The following PCDHGB7 variants were observed in gnomAD, a reference collection of about 807,000 sequenced individuals.
The protein encoded by PCDHGB7 is protocadherin gamma subfamily B, 7.
PCDHGB7 carries 37 observed loss-of-function variants against 61.4 expected under a neutral mutation model. That is an observed-to-expected ratio of 0.60 (90% CI 0.46 to 0.79). The LOEUF is 0.79. Among genes scored for constraint, PCDHGB7 ranks in the 30% least tolerant of loss-of-function variants. PCDHGB7 has a pLI of 0.00. For missense variants in PCDHGB7, 1,166 were observed against 1,202.5 expected, an observed-to-expected ratio of 0.97 and a Z score of 0.45; for synonymous variants, 464 against 503.5, an observed-to-expected ratio of 0.92 and a Z score of 1.05.
At position 141,491,605 on chromosome 5, in the gene PCDHGB7, T is replaced by C; in HGVS notation, c.2416-3202T>C. On this transcript the variant is annotated intron_variant, in intron 1 of 3. Coordinates refer to ENST00000398594, the MANE Select transcript of PCDHGB7 (RefSeq NM_018927.4). This position sits in a 1 kb window ranked among gnomAD's most constrained non-coding sequence, Gnocchi z 6.9. Reference sequence around the variant, plus strand: ...GGCCTCGGACGGCAGTGACTTCACTTTTCTAAGACCCCTCAGCGTTCAGCA... The same window carrying C: ...GGCCTCGGACGGCAGTGACTTCACTCTTCTAAGACCCCTCAGCGTTCAGCA... 6.2e-7 allele frequency: 1 copy of C among 1,613,868 alleles called. No individual in the cohort carries two copies. Among genetic ancestry groups the C allele is most frequent in the East Asian group, 2.2e-5 (1 of 44,858 alleles).
intron 1 of PCDHGB7, 134 bp from the exon 2 acceptor site, chr5:141,494,673 C>G: frequency 4.5e-6 from 7 of 1,542,992 alleles, no homozygotes; most frequent in Non-Finnish European, 6.1e-6. Flanking sequence ...GATGAGTCCA[C>G]CCCTGCCCCC....
intron 1 of PCDHGB7, among the ~76,000 whole-genome samples, chr5:141,437,093 C>T (rs1382920904): frequency 2.6e-5 from 4 of 152,136 alleles, no homozygotes; most frequent in East Asian, 1.9e-4. Flanking sequence ...TTGAAACTAA[C>T]GGCTTAGCTT....
chr5:141,429,416 T>C (rs527999196), intron 1 of PCDHGB7, among the ~76,000 whole-genome samples: 1 of 152,230 alleles, frequency 6.6e-6, no homozygotes, highest in Admixed American at 6.5e-5. Flanking sequence ...GGTCTCATTA[T>C]GTTGCCCAGG....
intron 1 of PCDHGB7, among the ~76,000 whole-genome samples, chr5:141,443,726 TAC>T: frequency 6.6e-6 from 1 of 152,262 alleles, no homozygotes; most frequent in Admixed American, 6.5e-5. Flanking sequence ...AAATTCCTCA[TAC>T]ATTTCCCTAT....
chr5:141,446,639 G>T (rs1461520959), intron 1 of PCDHGB7, among the ~76,000 whole-genome samples: 7 of 152,116 alleles, frequency 4.6e-5, no homozygotes, highest in Non-Finnish European at 8.8e-5. Flanking sequence ...ACCACGCCTG[G>T]CTAATTTTTG....
At chr5:141,510,296 G>A (rs999749575) in intron 3 of PCDHGB7, among the ~76,000 whole-genome samples, 6 of 149,608 alleles carry the variant, frequency 4.0e-5, no homozygotes, top group African/African-American at 1.5e-4. Flanking sequence ...AAAAAATGCT[G>A]TTTTGAAATG....
rs772255343 is a variant in PCDHGB7, at chr5:141,432,272, G to C, written c.2415+11998G>C. On this transcript the variant is annotated intron_variant, in intron 1 of 3. Coordinates refer to ENST00000398594, the MANE Select transcript of PCDHGB7 (RefSeq NM_018927.4). This position sits in a 1 kb window ranked among gnomAD's most constrained non-coding sequence, Gnocchi z 6.0. ...CCAAGGGGCAAGCCTATCGTCCTAC[G>C]TGTCCATCAACTCCGACACTGGGGT... The C allele has an allele frequency of 3.1e-6, 5 of 1,614,210 alleles. No individual in the cohort carries two copies. Among genetic ancestry groups the C allele is most frequent in the Non-Finnish European group, 4.2e-6 (5 of 1,180,042 alleles).
intron 1 of PCDHGB7, chr5:141,478,169 G>A (rs2099436111): frequency 1.2e-6 from 2 of 1,613,716 alleles, no homozygotes; most frequent in Admixed American, 1.7e-5. Flanking sequence ...TGCCCCCCGG[G>A]AGCAGAAAAA....
At chr5:141,499,648 CAT>C (rs1434824310) in intron 2 of PCDHGB7, among the ~76,000 whole-genome samples, 2 of 148,784 alleles carry the variant, frequency 1.3e-5, no homozygotes, top group Admixed American at 6.7e-5. Flanking sequence ...TCTCAGACAT[CAT>C]ATAATTTCAT....
intron 2 of PCDHGB7, among the ~76,000 whole-genome samples, chr5:141,500,184 T>TTTTTTTTA (rs1554186429): frequency 7.8e-4 from 106 of 135,966 alleles, no homozygotes; most frequent in African/African-American, 2.4e-3. Context: ...TCATTTTTAT[T>TTTTTTTTA]TTTATTTATT....
chr5:141,434,852 A>G (rs1382212982), intron 1 of PCDHGB7, among the ~76,000 whole-genome samples: 2 of 151,990 alleles, frequency 1.3e-5, no homozygotes, highest in Non-Finnish European at 2.9e-5. Context: ...AGACATCAAT[A>G]AATTTATATA....
chr5:141,423,325 G>A lies in PCDHGB7; in HGVS notation c.2415+3051G>A, dbSNP rs201044967. ...GCTGTACTTGGTGGTGGCGGTGGCCGCAGTCTCCTGCATCTTCCTGGTCTT... is the reference window on the plus strand; with the variant it reads ...GCTGTACTTGGTGGTGGCGGTGGCCACAGTCTCCTGCATCTTCCTGGTCTT... On this transcript the variant is annotated intron_variant, in intron 1 of 3. Coordinates refer to ENST00000398594, the MANE Select transcript of PCDHGB7 (RefSeq NM_018927.4). 133 of 1,614,016 alleles carry A rather than the reference G, an allele frequency of 8.2e-5. No individual in the cohort carries two copies. Among genetic ancestry groups the A allele is most frequent in the Non-Finnish European group, 4.1e-5 (48 of 1,180,008 alleles).
chr5:141,430,910 G>C, intron 1 of PCDHGB7: 2 of 1,608,040 alleles, frequency 1.2e-6, no homozygotes, highest in South Asian at 1.1e-5. Context: ...CATCTCCAGG[G>C]ACCTGGGGCT....
intron 1 of PCDHGB7, among the ~76,000 whole-genome samples, chr5:141,435,099 TA>T (rs892317840): frequency 2.0e-5 from 3 of 152,260 alleles, no homozygotes; most frequent in African/African-American, 7.2e-5. Context: ...TCTGTTTATC[TA>T]GGGGGGAGAA....
Position 141,419,164 on chromosome 5 carries a change from C to G in PCDHGB7, c.1305C>G (p.Ser435Arg). Residue 435 changes from serine (S) to arginine (R), a missense_variant, in exon 1 of 4, where the codon AGC (serine) becomes AGG (arginine). Physicochemically the swap from Ser to Arg is moderately radical, Grantham distance 110. Transcript: ENST00000398594. ...TDRGKPPLSS[S>R]KTITLHITDV... ...GGGGCAAGCCTCCGTTATCCTCCAGCAAAACCATAACCCTGCACATTACTG... is the reference window on the plus strand; with the variant it reads ...GGGGCAAGCCTCCGTTATCCTCCAGGAAAACCATAACCCTGCACATTACTG... 6.2e-7 allele frequency: 1 copy of G among 1,613,966 alleles called. No individual in the cohort carries two copies. The highest frequency in any genetic ancestry group is 8.5e-7 in the Non-Finnish European group (1 of 1,179,896).
intron 1 of PCDHGB7, chr5:141,422,797 G>A (rs1037091316): frequency 2.5e-6 from 4 of 1,614,244 alleles, no homozygotes; most frequent in Non-Finnish European, 3.4e-6. Context: ...CTTCGACTAT[G>A]AGCAGTTTCG....
Position 141,511,334 on chromosome 5 carries a change from C to A in PCDHGB7, c.*161C>A. 7.0e-7 allele frequency: 1 copy of A among 1,438,700 alleles called. No homozygotes were observed. Among genetic ancestry groups the A allele is most frequent in the Non-Finnish European group, 9.2e-7 (1 of 1,083,314 alleles). 89.1% of individuals were successfully genotyped at this position (1,438,700 alleles called of 1,614,324 possible). On this transcript the variant is annotated 3_prime_UTR_variant, in exon 4 of 4. Coordinates refer to ENST00000398594, the MANE Select transcript of PCDHGB7 (RefSeq NM_018927.4). ...GAAACAGAAACAAGTGCCCAGTCAG[C>A]ACCTACCCCTTCCCCCCCAGGGGGT...
At chr5:141,430,603 C>A in intron 1 of PCDHGB7, 1 of 632,906 alleles carries the variant, frequency 1.6e-6, no homozygotes, top group Non-Finnish European at 2.5e-6. Context: ...GCGCCTGAAG[C>A]ACAAAGCAGA....
chr5:141,427,704 G>C (rs2097059746), intron 1 of PCDHGB7: 2 of 966,116 alleles, frequency 2.1e-6, no homozygotes, highest in Non-Finnish European at 3.2e-6. Context: ...ACAAGTCAGC[G>C]CCTCTGACCT....
Sources: allele counts gnomAD v4.1 joint callset (sites outside exome capture counted in the v4.1 genomes callset), GRCh38; gene constraint gnomAD v4.1.1; non-coding constraint Gnocchi (gnomAD v3.1); transcripts MANE v1.5; gene names NCBI Gene and HGNC (gene_info 2026-07-23, HGNC 2026-07-21).